CFAP97D2: variants seen among roughly 807,000 people sequenced by gnomAD.
CFAP97D2 encodes the protein CFAP97 domain containing 2, also known as uncharacterized protein CFAP97D2.
chr13:114,211,428 T>C lies in CFAP97D2; in HGVS notation c.291-484T>C, dbSNP rs1215318828. On this transcript the variant is annotated intron_variant, in intron 3 of 4. Transcript: ENST00000646158. The surrounding 1 kb of genome is among the most constrained non-coding windows in gnomAD (Gnocchi z 4.2). Reference sequence around the variant, plus strand: ...TGTCTTCCACATGTGCCAGACTCTGTGCACTGCTAGACCCTCCAAAATCCA... The same window carrying C: ...TGTCTTCCACATGTGCCAGACTCTGCGCACTGCTAGACCCTCCAAAATCCA... 6.6e-6 allele frequency among the ~76,000 whole-genome samples: 1 copy of C among 152,196 alleles called. No homozygotes were observed. Among genetic ancestry groups the C allele is most frequent in the Non-Finnish European group, 1.5e-5 (1 of 68,026 alleles).
chr13:114,180,441 T>C (rs1399660925), intron 1 of CFAP97D2, among the ~76,000 whole-genome samples: 1 of 152,112 alleles, frequency 6.6e-6, no homozygotes, highest in Non-Finnish European at 1.5e-5. Context: ...CTGGGAACTC[T>C]TCCCGGCTCC....
chr13:114,195,605 G>A, intron 1 of CFAP97D2, among the ~76,000 whole-genome samples: 1 of 152,188 alleles, frequency 6.6e-6, no homozygotes, highest in East Asian at 1.9e-4. Flanking sequence ...CAGGTCTCAT[G>A]CATTTAACCT....
At chr13:114,196,184 T>G (rs1159162493) in intron 1 of CFAP97D2, among the ~76,000 whole-genome samples, 1 of 152,062 alleles carries the variant, frequency 6.6e-6, no homozygotes, top group Non-Finnish European at 1.5e-5. Flanking sequence ...AATTCTGTCT[T>G]TTAAAAGGGC....
chr13:114,187,036 G>A lies in CFAP97D2; in HGVS notation c.90+7616G>A, dbSNP rs1019414654. Among the ~76,000 whole-genome samples the A allele has an allele frequency of 6.6e-6, 1 of 152,226 alleles. No homozygotes were observed. The highest frequency in any genetic ancestry group is 1.5e-5 in the Non-Finnish European group (1 of 68,034). ...ATAACAACACCAATGATAAGGAACA[G>A]GAGAGAGGTATTCAGATTATTTTGT... On this transcript the variant is annotated intron_variant, in intron 1 of 4. Coordinates refer to ENST00000646158, the Ensembl canonical transcript of CFAP97D2. This position sits in a 1 kb window ranked among gnomAD's most constrained non-coding sequence, Gnocchi z 4.2.
Position 114,211,679 on chromosome 13 carries a change from C to A in CFAP97D2, c.291-233C>A, listed in dbSNP as rs71449090. Among the ~76,000 whole-genome samples, 6 of 152,218 alleles carry A rather than the reference C, an allele frequency of 3.9e-5. No homozygotes were observed. In the South Asian group the frequency reaches 6.2e-4, roughly 16 times the overall value. On this transcript the variant is annotated intron_variant, in intron 3 of 4. Coordinates refer to ENST00000646158, the Ensembl canonical transcript of CFAP97D2. The surrounding 1 kb of genome is among the most constrained non-coding windows in gnomAD (Gnocchi z 4.2). ...TTGTGCTCACCCTGAAAACGCCCCT[C>A]CCGCCGTGCAAAGCGAGCGCGCCGG...
intron 3 of CFAP97D2, among the ~76,000 whole-genome samples, chr13:114,210,547 T>C (rs1446633270): frequency 1.3e-5 from 2 of 152,156 alleles, no homozygotes; most frequent in African/African-American, 4.8e-5. Context: ...TCCCTCACTG[T>C]TTTCTTCTGC....
intron 4 of CFAP97D2, among the ~76,000 whole-genome samples, chr13:114,219,775 C>T (rs1319644365): frequency 6.6e-6 from 1 of 152,238 alleles, no homozygotes; most frequent in Non-Finnish European, 1.5e-5. Context: ...CTCTGAACCT[C>T]AAGCTGGAAT....
Position 114,211,952 on chromosome 13 carries a change from C to T in CFAP97D2, c.331C>T (p.Arg111Trp), listed in dbSNP as rs977079646. 7.8e-5 allele frequency: 31 copies of T among 398,642 alleles called. No individual in the cohort carries two copies. The highest frequency in any genetic ancestry group is 6.4e-4 in the South Asian group (5 of 7,858). 24.7% of individuals were successfully genotyped at this position (398,642 alleles called of 1,614,324 possible). A position where few individuals can be genotyped will look rare whatever the true frequency, so the allele number is the denominator to read the frequency against. Residue 111 changes from arginine (R) to tryptophan (W), a missense_variant, in exon 4 of 5, where the codon CGG becomes TGG. Arg to Trp is a moderately radical substitution (Grantham distance 101). Transcript: ENST00000646158. The surrounding 1 kb of genome is among the most constrained non-coding windows in gnomAD (Gnocchi z 4.2). ...GAGAGAACAGGAACTTCGCAGAGTG[C>T]GGAAGAAAACACGGCCATTCTGGAA...
intron 3 of CFAP97D2, among the ~76,000 whole-genome samples, chr13:114,206,948 G>A (rs375588663): frequency 2.0e-5 from 3 of 152,208 alleles, no homozygotes; most frequent in Non-Finnish European, 4.4e-5. Flanking sequence ...TCCTGTATGG[G>A]ATCAGGGAGG....
chr13:114,205,823 T>G (rs1364401473), intron 3 of CFAP97D2, among the ~76,000 whole-genome samples: 2 of 152,188 alleles, frequency 1.3e-5, no homozygotes, highest in Admixed American at 1.3e-4. Flanking sequence ...TCTAGGCTGA[T>G]CCTCCATTCC....
intron 1 of CFAP97D2, among the ~76,000 whole-genome samples, chr13:114,188,403 G>GGGA: frequency 6.6e-6 from 1 of 152,230 alleles, no homozygotes; most frequent in Non-Finnish European, 1.5e-5. Flanking sequence ...TGTGCTTCAA[G>GGGA]GGAAATTTAG....
At chr13:114,184,974 G>A (rs577301193) in intron 1 of CFAP97D2, among the ~76,000 whole-genome samples, 5 of 152,178 alleles carry the variant, frequency 3.3e-5, no homozygotes, top group African/African-American at 7.2e-5. Context: ...TAAGTGAAAC[G>A]AATAAGCAGC....
rs2080854591 is a variant in CFAP97D2, at chr13:114,186,853, C to T, written c.90+7433C>T. Among the ~76,000 whole-genome samples the T allele has an allele frequency of 6.6e-6, 1 of 152,228 alleles. No individual in the cohort carries two copies. The highest frequency in any genetic ancestry group is 6.5e-5 in the Admixed American group (1 of 15,292). On this transcript the variant is annotated intron_variant, in intron 1 of 4. Transcript: ENST00000646158. The surrounding 1 kb of genome is among the most constrained non-coding windows in gnomAD (Gnocchi z 4.3). ...CTCACTCACACACCCCTCGCCACTC[C>T]ACTCCAGTCTCTTCAGAGGGATGGG...
rs2080863269 is a variant in CFAP97D2, at chr13:114,189,895, A to G, written c.91-6501A>G. On this transcript the variant is annotated intron_variant, in intron 1 of 4. Coordinates refer to ENST00000646158, the Ensembl canonical transcript of CFAP97D2. The surrounding 1 kb of genome is among the most constrained non-coding windows in gnomAD (Gnocchi z 4.5). ...TGGTGGCTCGCCCTGTAATCAGAAC[A>G]CTTTGGGTGGCTGAAGAGGGAGGAT... Among the ~76,000 whole-genome samples, 1 of 152,162 alleles carries G rather than the reference A, an allele frequency of 6.6e-6. No homozygotes were observed. The highest frequency in any genetic ancestry group is 1.5e-5 in the Non-Finnish European group (1 of 68,018).
chr13:114,213,781 C>T (rs2080981280), intron 4 of CFAP97D2, among the ~76,000 whole-genome samples: 1 of 148,848 alleles, frequency 6.7e-6, no homozygotes, highest in Non-Finnish European at 1.5e-5. Context: ...ACCACAGACC[C>T]CACCCCTGGA....
chr13:114,191,020 C>T (rs1373576430), intron 1 of CFAP97D2, among the ~76,000 whole-genome samples: 2 of 152,106 alleles, frequency 1.3e-5, no homozygotes, highest in African/African-American at 4.8e-5. Flanking sequence ...AACAGAACAT[C>T]CACATGGAAG....
chr13:114,183,940 G>T (rs2080846174), intron 1 of CFAP97D2, among the ~76,000 whole-genome samples: 2 of 152,232 alleles, frequency 1.3e-5, no homozygotes, highest in Admixed American at 1.3e-4. Context: ...TTGAGCCCAG[G>T]AGTTTGAGAC....
Position 114,203,836 on chromosome 13 carries a change from A to G in CFAP97D2, c.290+3393A>G, listed in dbSNP as rs1332667083. ...AGCATCTGGTGTAAACACTTGTCAG[A>G]TGGGGCAGAGATTCTGGGCATTTGG... On this transcript the variant is annotated intron_variant, in intron 3 of 4. Coordinates refer to ENST00000646158, the Ensembl canonical transcript of CFAP97D2. The surrounding 1 kb of genome is among the most constrained non-coding windows in gnomAD (Gnocchi z 4.3). Among the ~76,000 whole-genome samples the G allele has an allele frequency of 1.3e-5, 2 of 152,184 alleles. No homozygotes were observed. Among genetic ancestry groups the G allele is most frequent in the East Asian group, 1.9e-4 (1 of 5,194 alleles).
chr13:114,191,247 C>G (rs2080868364), intron 1 of CFAP97D2, among the ~76,000 whole-genome samples: 2 of 151,844 alleles, frequency 1.3e-5, no homozygotes, highest in Non-Finnish European at 1.5e-5. Flanking sequence ...ATGGCATGAT[C>G]TATGAAAGAA....
Sources: gnomAD v4.1 joint callset for allele counts (sites outside exome capture counted in the v4.1 genomes callset) on GRCh38, gnomAD v4.1.1 for gene constraint, Gnocchi (gnomAD v3.1) non-coding constraint, MANE v1.5 for transcripts, NCBI Gene and HGNC (gene_info 2026-07-23, HGNC 2026-07-21) for gene names.